Variants in KDM5A observed in about 807,000 individuals in gnomAD.
KDM5A encodes lysine-specific demethylase 5A.
In KDM5A, 42 loss-of-function variants were observed where a neutral mutation model predicts 193.5. That is an observed-to-expected ratio of 0.22 (90% confidence interval 0.17 to 0.28). The LOEUF (loss-of-function observed/expected upper bound fraction) is 0.28. Among genes scored for constraint, KDM5A ranks in the 10% least tolerant of loss-of-function variants. The pLI is 1.00. For synonymous variants in KDM5A, 796 were observed against 718.1 expected (o/e 1.11, Z -1.73); for missense variants, 1,692 against 2,055.1 (o/e 0.82, Z 3.42).
At chr12:375,486 T>C (rs1283558170) in intron 3 of KDM5A, among the ~76,000 whole-genome samples, 1 of 152,226 alleles carries the variant, frequency 6.6e-6, no homozygotes, top group African/African-American at 2.4e-5. Context: ...CTAATCTTTT[T>C]ACAAGGTTTT....
At chr12:310,755 A>G in intron 21 of KDM5A, 130 bp downstream of exon 21, 1 of 1,071,560 alleles carries the variant, frequency 9.3e-7, no homozygotes, top group Non-Finnish European at 1.4e-6. Context: ...CCAGATTTCA[A>G]GTCAACATCT....
At chr12:297,328 T>A (rs1262650463) in intron 24 of KDM5A, 128 bp from the exon 25 acceptor site, 2 of 802,716 alleles carry the variant, frequency 2.5e-6, no homozygotes, top group East Asian at 2.7e-5. Flanking sequence ...AAATTAAATA[T>A]CTGATGTTAA....
intron 3 of KDM5A, among the ~76,000 whole-genome samples, chr12:382,329 G>T (rs999246994): frequency 2.6e-5 from 4 of 151,984 alleles, no homozygotes; most frequent in Non-Finnish European, 5.9e-5. Context: ...TATTTGGGAG[G>T]CCAAGGCAGG....
intron 5 of KDM5A, among the ~76,000 whole-genome samples, chr12:360,910 T>C (rs547803742): frequency 1.3e-5 from 2 of 152,274 alleles, no homozygotes; most frequent in East Asian, 3.9e-4. Context: ...GGAGGGATTA[T>C]CCTTGAAGAG....
chr12:295,047 T>C (rs1943351520), intron 26 of KDM5A, among the ~76,000 whole-genome samples: 1 of 152,194 alleles, frequency 6.6e-6, no homozygotes, highest in Non-Finnish European at 1.5e-5. Context: ...TCACTATATA[T>C]TTTCCCCTAT....
chr12:324,119 C>A (rs934395942), intron 14 of KDM5A, among the ~76,000 whole-genome samples: 1 of 152,016 alleles, frequency 6.6e-6, no homozygotes, highest in African/African-American at 2.4e-5. Flanking sequence ...CCAGCCGGGG[C>A]AACAAAGTGA....
In KDM5A at chr12:354,152, T is replaced by C. The variant is rs368962603; in HGVS notation, c.953A>G (p.Tyr318Cys). 102 of 1,612,306 alleles carry C rather than the reference T, an allele frequency of 6.3e-5. 1 individual carries two copies. The highest frequency in any genetic ancestry group is 1.5e-4 in the South Asian group (14 of 91,058). Residue 318 changes from tyrosine (Y) to cysteine (C), a missense_variant, in exon 8 of 28, where the codon TAT becomes TGT. This residue lies in a region of KDM5A where 62 missense variants were observed against 107.1 expected (regional missense o/e 0.58). Coordinates refer to ENST00000399788, the MANE Select transcript of KDM5A (RefSeq NM_001042603.3). ...LLLCDGCDDSYHTFCLIPPLP... is the reference protein window; with the variant it reads ...LLLCDGCDDSCHTFCLIPPLP... ...TGGAGGAATTAGACAAAATGTATGA[T>C]AGCTGTCATCACATCCATCACACAA...
chr12:318,526 T>C (rs1333458354), intron 18 of KDM5A, 65 bp from the exon 19 acceptor site: 4 of 1,237,924 alleles, frequency 3.2e-6, no homozygotes, highest in South Asian at 1.2e-5. Flanking sequence ...GAGTATGAAA[T>C]AGACATAGTC....
At position 334,359 on chromosome 12, in the gene KDM5A, G is replaced by A; in HGVS notation, c.1372C>T (p.His458Tyr). 1 of 1,614,002 alleles carries A rather than the reference G, an allele frequency of 6.2e-7. No homozygotes were observed. Among genetic ancestry groups the A allele is most frequent in the South Asian group, 1.1e-5 (1 of 91,080 alleles). The change falls in exon 11 of 28, where the codon CAT becomes TAT. Residue 458 changes from histidine (H) to tyrosine (Y), a missense_variant. His to Tyr is a moderately conservative substitution (Grantham distance 83). Transcript: ENST00000399788. ...MPVLEQSVLA[H>Y]INVDISGMKV... ...ATACCAGAGATGTCCACATTAATAT[G>A]TGCAAGAACAGACTGTTCCAGGACA...
At chr12:373,228 G>A (rs1329211577) in intron 3 of KDM5A, among the ~76,000 whole-genome samples, 1 of 152,080 alleles carries the variant, frequency 6.6e-6, no homozygotes, top group Non-Finnish European at 1.5e-5. Flanking sequence ...GTCCTGGACT[G>A]TTTTTGGTTG....
At position 329,017 on chromosome 12, in the gene KDM5A, G is replaced by A. The variant is rs2137419265; in HGVS notation, c.1786C>T (p.Arg596Cys). The change falls in exon 14 of 28, where the codon CGT becomes TGT. Residue 596 changes from arginine to cysteine, a missense_variant. Physicochemically the swap from Arg to Cys is radical, Grantham distance 180. Around this residue, in one of 11 missense-constraint regions of KDM5A, gnomAD observed 172 missense variants for 260.3 expected, o/e 0.66. Coordinates refer to ENST00000399788, the MANE Select transcript of KDM5A (RefSeq NM_001042603.3). ...FCTADWLPIG[R>C]QCVNHYRRLR... ...CGTCGGTAATGATTTACACATTGAC[G>A]TCCAATGGGCAACTGAAAATGAGAT... The A allele has an allele frequency of 6.2e-7, 1 of 1,614,032 alleles. No homozygotes were observed. Among genetic ancestry groups the A allele is most frequent in the Non-Finnish European group, 8.5e-7 (1 of 1,179,920 alleles).
intron 24 of KDM5A, among the ~76,000 whole-genome samples, chr12:302,943 T>C (rs987739920): frequency 6.6e-6 from 1 of 152,090 alleles, no homozygotes; most frequent in Non-Finnish European, 1.5e-5. Flanking sequence ...CGCTAGAGAA[T>C]TGCAAATCAA....
chr12:305,967 G>GTGTTT (rs1943498118), intron 24 of KDM5A, among the ~76,000 whole-genome samples: 1 of 107,318 alleles, frequency 9.3e-6, no homozygotes, highest in Non-Finnish European at 1.8e-5. Flanking sequence ...AGCAATGGAA[G>GTGTTT]TGTTTTTTTT....
chr12:283,506 C>T lies in KDM5A; in HGVS notation c.*1950G>A. On this transcript the variant is annotated 3_prime_UTR_variant, in exon 28 of 28. Coordinates refer to ENST00000399788, the MANE Select transcript of KDM5A (RefSeq NM_001042603.3). ...AATAAAAAGTAGGTAGTATGAACTT[C>T]AGAGAAAACATTTACAGAAATTGGA... 1 of 232,960 alleles carries T rather than the reference C, an allele frequency of 4.3e-6. No homozygotes were observed. Among genetic ancestry groups the T allele is most frequent in the East Asian group, 6.1e-5 (1 of 16,428 alleles). The allele number at this position is 232,960 out of a possible 1,614,324, so 14.4% of individuals were successfully genotyped here.
chr12:286,953 A>G (rs1299125200), intron 27 of KDM5A, among the ~76,000 whole-genome samples: 1 of 152,200 alleles, frequency 6.6e-6, no homozygotes, highest in African/African-American at 2.4e-5. Flanking sequence ...ATTTCAGGCA[A>G]GTCATTTAAC....
chr12:372,166 C>T lies in KDM5A; in HGVS notation c.367-6062G>A, dbSNP rs1423274839. On this transcript the variant is annotated intron_variant, in intron 3 of 27. Coordinates refer to ENST00000399788, the MANE Select transcript of KDM5A (RefSeq NM_001042603.3). ...CATTGGTAGCTTGATGGGGATGGCACTGAATCTATAAACTACCTTGGGCAG... is the reference window on the plus strand; with the variant it reads ...CATTGGTAGCTTGATGGGGATGGCATTGAATCTATAAACTACCTTGGGCAG... Among the ~76,000 whole-genome samples, 3 of 152,156 alleles carry T rather than the reference C, an allele frequency of 2.0e-5. No individual in the cohort carries two copies. The East Asian group carries it at 5.8e-4, about 29-fold the overall frequency.
chr12:324,770 G>A (rs1397706098), intron 14 of KDM5A, among the ~76,000 whole-genome samples: 3 of 152,072 alleles, frequency 2.0e-5, no homozygotes, highest in African/African-American at 7.2e-5. Flanking sequence ...CTACTCAGGA[G>A]GCTGAGACAG....
rs751068442 is a variant in KDM5A at position 355,196 on chromosome 12, G to A, written c.832C>T (p.Gln278Ter). ...AGAGTGCCTTTCCGTTGTCTCATTT[G>A]CATGTTAAATGCGTCTGACCTGTTG... is the stretch of plus-strand genomic sequence containing the variant. ...VTNRSDAFNM[Q>*]MRQRKGTLSV... is the part of the protein sequence containing the mutation. Residue 278 changes from glutamine (Q) to a stop codon, truncating the protein, a stop_gained, in exon 7 of 28, where the codon CAA becomes TAA. Coordinates refer to ENST00000399788, the MANE Select transcript of KDM5A (RefSeq NM_001042603.3). LOFTEE classifies it high-confidence loss of function. 1 of 1,612,434 alleles carries A rather than the reference G, an allele frequency of 6.2e-7. No individual in the cohort carries two copies. The highest frequency in any genetic ancestry group is 8.5e-7 in the Non-Finnish European group (1 of 1,178,480).
At chr12:340,719 A>AC (rs1943994652) in intron 10 of KDM5A, among the ~76,000 whole-genome samples, 1 of 149,174 alleles carries the variant, frequency 6.7e-6, no homozygotes, top group African/African-American at 2.5e-5. Flanking sequence ...AAAAAAAAAA[A>AC]CCATTAGCAC....
Sources: allele counts gnomAD v4.1 joint callset (sites outside exome capture counted in the v4.1 genomes callset), GRCh38; gene constraint gnomAD v4.1.1; regional missense constraint gnomAD v4.1.1; transcripts MANE v1.5; gene names NCBI Gene and HGNC (gene_info 2026-07-23, HGNC 2026-07-21).